Variants in ADGRV1 observed in about 807,000 individuals in gnomAD.
The protein encoded by ADGRV1 is G-protein coupled receptor 98.
Under a neutral mutation model 596.2 loss-of-function variants are expected in ADGRV1, and 359 were observed. That is an observed-to-expected ratio of 0.60 (90% confidence interval 0.55 to 0.66). The LOEUF is 0.66. ADGRV1 is among the 30% of genes least tolerant of loss of function. ADGRV1 has a pLI of 0.00. For missense variants in ADGRV1, 7,274 were observed against 7,575.6 expected (o/e 0.96, Z 1.48); for synonymous variants, 2,681 against 2,679.2 (o/e 1.00, Z -0.02).
chr5:91,014,808 C>CTA (rs1460323974), intron 85 of ADGRV1, among the ~76,000 whole-genome samples: 1 of 151,296 alleles, frequency 6.6e-6, no homozygotes, highest in African/African-American at 2.4e-5. Flanking sequence ...AACTAGCGGC[C>CTA]TATATATCTT....
At chr5:91,054,102 TGAGAGAGAGAGA>T (rs3079380) in intron 85 of ADGRV1, among the ~76,000 whole-genome samples, 8 of 126,740 alleles carry the variant, frequency 6.3e-5, no homozygotes, top group South Asian at 2.6e-4. Flanking sequence ...TGTGTGTGTG[TGAGAGAGAGAGA>T]GAGAGAGAGA....
rs537073696 is a variant in ADGRV1 at position 90,907,881 on chromosome 5, T to TA, written c.17856+44025dup. Among the ~76,000 whole-genome samples the TA allele has an allele frequency of 4.6e-5, 7 of 152,224 alleles. No homozygotes were observed. The East Asian group carries it at 5.8e-4, about 13-fold the overall frequency. On this transcript the variant is annotated intron_variant, in intron 83 of 89. Transcript: ENST00000405460. ...ATTTTTTGTTTTTGAAATAGAGTCT[T>TA]ACTGTGTCACCCAGGCTGGAGTGCA... is the stretch of plus-strand genomic sequence containing the variant.
At chr5:90,823,129 C>T (rs1405946472) in intron 75 of ADGRV1, among the ~76,000 whole-genome samples, 5 of 152,202 alleles carry the variant, frequency 3.3e-5, no homozygotes, top group South Asian at 2.1e-4. Flanking sequence ...ATTTCCTTCT[C>T]GAAAAATATT....
At chr5:90,709,338 T>C (rs1749032087) in intron 39 of ADGRV1, among the ~76,000 whole-genome samples, 1 of 152,228 alleles carries the variant, frequency 6.6e-6, no homozygotes, top group South Asian at 2.1e-4. Flanking sequence ...TATCTTTTTC[T>C]TTTCATGCTT....
At chr5:90,925,359 T>G (rs1189650947) in intron 83 of ADGRV1, among the ~76,000 whole-genome samples, 1 of 151,524 alleles carries the variant, frequency 6.6e-6, no homozygotes, top group East Asian at 2.0e-4. Context: ...CCCTTGTAAG[T>G]TGGATTCCTA....
intron 3 of ADGRV1, among the ~76,000 whole-genome samples, chr5:90,618,253 C>T (rs2152057224): frequency 6.6e-6 from 1 of 152,218 alleles, no homozygotes. Flanking sequence ...TTATTCCTCC[C>T]CTGCTACCAA....
chr5:90,812,334 T>C (rs1241964621), intron 74 of ADGRV1, among the ~76,000 whole-genome samples: 1 of 152,226 alleles, frequency 6.6e-6, no homozygotes, highest in Admixed American at 6.5e-5. Context: ...TTCATTTTCA[T>C]GTTTTATTGT....
intron 83 of ADGRV1, among the ~76,000 whole-genome samples, chr5:90,936,353 ATTAC>A (rs1490550576): frequency 1.3e-5 from 2 of 152,184 alleles, no homozygotes; most frequent in African/African-American, 2.4e-5. Context: ...ATATCTATCT[ATTAC>A]TTTCAAATTT....
chr5:90,814,248 A>G (rs1455378228), intron 74 of ADGRV1, among the ~76,000 whole-genome samples: 1 of 152,206 alleles, frequency 6.6e-6, no homozygotes, highest in Non-Finnish European at 1.5e-5. Context: ...GCATGTCCCT[A>G]ATAAAGGGGC....
intron 75 of ADGRV1, 70 bp from the exon 76 acceptor site, chr5:90,823,355 T>A: frequency 6.8e-7 from 1 of 1,460,822 alleles, no homozygotes; most frequent in Non-Finnish European, 9.4e-7. Context: ...TACCATTATT[T>A]GATAATAAAC....
intron 36 of ADGRV1, 140 bp downstream of exon 36, chr5:90,704,628 A>C: frequency 1.8e-6 from 1 of 548,950 alleles, no homozygotes; most frequent in Non-Finnish European, 3.2e-6. Context: ...GAAATGTTAG[A>C]TCAAAAAAAA....
At chr5:91,111,670 T>C (rs1792380491) in intron 87 of ADGRV1, among the ~76,000 whole-genome samples, 1 of 152,218 alleles carries the variant, frequency 6.6e-6, no homozygotes, top group Admixed American at 6.5e-5. Flanking sequence ...GAAATGTCAC[T>C]TTGTTTCCAT....
intron 21 of ADGRV1, among the ~76,000 whole-genome samples, chr5:90,662,183 A>G (rs1770414307): frequency 1.5e-5 from 2 of 135,050 alleles, no homozygotes; most frequent in African/African-American, 5.8e-5. Flanking sequence ...TTTTGGTTAA[A>G]CAACTTTTTT....
intron 7 of ADGRV1, chr5:90,628,059 A>AAT: frequency 4.6e-6 from 1 of 215,948 alleles, no homozygotes; most frequent in Non-Finnish European, 9.0e-6. Flanking sequence ...GTAGTTCCCT[A>AAT]GGACACATTC....
At chr5:90,884,130 G>A (rs1770055294) in intron 83 of ADGRV1, among the ~76,000 whole-genome samples, 1 of 152,168 alleles carries the variant, frequency 6.6e-6, no homozygotes, top group South Asian at 2.1e-4. Context: ...CTCAGACACT[G>A]TTGACATTTG....
chr5:90,653,049 C>T (rs1192735221), intron 19 of ADGRV1, among the ~76,000 whole-genome samples, 160 bp from the exon 20 acceptor site: 3 of 152,164 alleles, frequency 2.0e-5, no homozygotes, highest in East Asian at 3.9e-4. Context: ...TATCCTGCCC[C>T]TAAAATGTGG....
chr5:90,848,271 G>T (rs1011530990), intron 78 of ADGRV1, among the ~76,000 whole-genome samples: 1 of 152,018 alleles, frequency 6.6e-6, no homozygotes. Context: ...TTCCTTATTT[G>T]TTGGTCAAAA....
chr5:90,833,397 A>C (rs998139365), intron 77 of ADGRV1, among the ~76,000 whole-genome samples: 1 of 151,950 alleles, frequency 6.6e-6, no homozygotes, highest in Non-Finnish European at 1.5e-5. Flanking sequence ...CAATGCTCCC[A>C]CCTCAGCCTC....
chr5:90,628,812 G>A lies in ADGRV1; in HGVS notation c.1489G>A (p.Glu497Lys). 2 of 1,613,972 alleles carry A rather than the reference G, an allele frequency of 1.2e-6. No individual in the cohort carries two copies. Among genetic ancestry groups the A allele is most frequent in the Non-Finnish European group, 8.5e-7 (1 of 1,179,854 alleles). ...GCCTCATACAATACGAGGAGGTGCA[G>A]AAGTGAGCGAGCCAGCGGAGGTATA... ...ILPHTIRGGA[E>K]VSEPAELLFY... The change falls in exon 8 of 90, where the codon GAA becomes AAA. Residue 497 changes from glutamate (E) to lysine (K), a missense_variant. Physicochemically the swap from Glu to Lys is moderately conservative, Grantham distance 56. This residue lies in a region of ADGRV1 where 1,715 missense variants were observed against 1,708.8 expected (regional missense o/e 1.00). Transcript: ENST00000405460.
Sources: gnomAD v4.1 joint callset for allele counts (sites outside exome capture counted in the v4.1 genomes callset) on GRCh38, gnomAD v4.1.1 for gene constraint, gnomAD v4.1.1 regional missense constraint, MANE v1.5 for transcripts, NCBI Gene and HGNC (gene_info 2026-07-23, HGNC 2026-07-21) for gene names.